The following MDN1 variants were observed in gnomAD, a reference collection of about 807,000 sequenced individuals.
MDN1 encodes the protein midasin AAA ATPase 1, also known as midasin.
Under a neutral mutation model 669.2 loss-of-function variants are expected in MDN1, and 266 were observed. The observed-to-expected ratio is 0.40, with a 90% CI of 0.36 to 0.44. The LOEUF is 0.44. Ranked by LOEUF, MDN1 falls within the 20% of genes least tolerant of loss-of-function variation. MDN1 has a pLI of 1.00. For missense variants in MDN1, 5,940 were observed against 6,754.0 expected (o/e 0.88, Z 4.22); for synonymous variants, 2,385 against 2,457.1 (o/e 0.97, Z 0.87).
At chr6:89,714,470 A>G in intron 46 of MDN1, 73 bp downstream of exon 46, 1 of 1,240,698 alleles carries the variant, frequency 8.1e-7, no homozygotes, top group Non-Finnish European at 1.1e-6. Context: ...ATCTTTGATG[A>G]GCAGTCCAAT....
rs1811464245 is a variant in MDN1, at chr6:89,679,679, TC to T, written c.12265+909del. On this transcript the variant is annotated intron_variant, in intron 74 of 101. Transcript: ENST00000369393. ...CCAAGGAGAGAGGCTTCAGAAGTAATCAACCTTGCTGACACCTTGATCTTGG... is the reference window on the plus strand; with the variant it reads ...CCAAGGAGAGAGGCTTCAGAAGTAATAACCTTGCTGACACCTTGATCTTGG... Among the ~76,000 whole-genome samples the T allele has an allele frequency of 2.6e-5, 4 of 152,128 alleles. No homozygotes were observed. In the South Asian group the frequency reaches 8.3e-4, roughly 31 times the overall value.
chr6:89,785,201 T>C (rs1245695798), intron 8 of MDN1, 75 bp from the exon 9 acceptor site: 2 of 962,036 alleles, frequency 2.1e-6, no homozygotes, highest in East Asian at 2.4e-5. Flanking sequence ...TGGATATTAC[T>C]TGCTGTACAC....
In MDN1 at chr6:89,648,326, C is replaced by T; in HGVS notation, c.16210G>A (p.Ala5404Thr). ...CCAATCACAGCCAAAGATTCAAATG[C>T]AAGCTGTGAATTAGAAAGTTAATGA... ...SMVDNHTKQL[A>T]FESLAVIGNA... Residue 5404 changes from alanine to threonine, a missense_variant, in exon 98 of 102, where the codon GCA becomes ACA. Ala to Thr is a moderately conservative substitution (Grantham distance 58). Around this residue, in one of 5 missense-constraint regions of MDN1, gnomAD observed 2,280 missense variants for 2,576.3 expected, o/e 0.88. Transcript: ENST00000369393. The T allele has an allele frequency of 6.2e-7, 1 of 1,613,834 alleles. No homozygotes were observed. Among genetic ancestry groups the T allele is most frequent in the Non-Finnish European group, 8.5e-7 (1 of 1,179,724 alleles).
intron 99 of MDN1, 121 bp from the exon 100 acceptor site, chr6:89,646,724 A>AC (rs1165410852): frequency 9.1e-6 from 7 of 767,260 alleles, no homozygotes; most frequent in Non-Finnish European, 1.3e-5. Context: ...AGGTTTACAG[A>AC]CCATCAACTA....
intron 47 of MDN1, 91 bp from the exon 48 acceptor site, chr6:89,712,877 C>T (rs975826262): frequency 2.6e-6 from 3 of 1,170,192 alleles, no homozygotes; most frequent in African/African-American, 1.5e-5. Context: ...CATGCGACCA[C>T]CTCACAACAA....
At chr6:89,650,934 T>A in intron 95 of MDN1, 87 bp from the exon 96 acceptor site, 1 of 1,000,346 alleles carries the variant, frequency 1.0e-6, no homozygotes, top group Non-Finnish European at 1.5e-6. Context: ...AGCAAAGTGG[T>A]AGAAAATGAC....
intron 100 of MDN1, 78 bp from the exon 101 acceptor site, chr6:89,645,235 C>CATTT: frequency 6.9e-7 from 1 of 1,459,102 alleles, no homozygotes; most frequent in East Asian, 2.3e-5. Flanking sequence ...CAAAGTAGGA[C>CATTT]AAATTAGTGT....
intron 9 of MDN1, among the ~76,000 whole-genome samples, chr6:89,782,604 AAATAAT>A (rs58697438): frequency 0.52 from 75,426 of 143,878 alleles, 20,014 homozygotes; most frequent in Middle Eastern, 0.64. Context: ...TTTCCTCAAA[AAATAAT>A]AATAATAATA....
Position 89,725,406 on chromosome 6 carries a change from G to A in MDN1, c.5473-10C>T. The A allele has an allele frequency of 5.0e-6, 8 of 1,606,136 alleles. No individual in the cohort carries two copies. Among genetic ancestry groups the A allele is most frequent in the Non-Finnish European group, 6.8e-6 (8 of 1,173,040 alleles). Reference sequence around the variant, plus strand: ...GAGAAGCCAGGTTAAGCTATTTAAAGAAGAAAGTACATAATTTGTCTCAAA... The same window carrying A: ...GAGAAGCCAGGTTAAGCTATTTAAAAAAGAAAGTACATAATTTGTCTCAAA... On this transcript the variant is annotated splice_polypyrimidine_tract_variant and intron_variant, in intron 37 of 101. Coordinates refer to ENST00000369393, the MANE Select transcript of MDN1 (RefSeq NM_014611.3).
Position 89,674,258 on chromosome 6 carries a change from T to G in MDN1, c.13093A>C (p.Ser4365Arg). 1 of 1,614,248 alleles carries G rather than the reference T, an allele frequency of 6.2e-7. No individual in the cohort carries two copies. The highest frequency in any genetic ancestry group is 8.5e-7 in the Non-Finnish European group (1 of 1,180,046). The part of the protein sequence containing the change: ...NLSYPSPIPG[S>R]QLPSGCRMRK... ...ATCCGGCAACCAGAGGGCAGCTGACTTCCAGGTATTGGAGATGGGTAGCTC... is the reference window on the plus strand; with the variant it reads ...ATCCGGCAACCAGAGGGCAGCTGACGTCCAGGTATTGGAGATGGGTAGCTC... Residue 4365 changes from serine to arginine, a missense_variant, in exon 79 of 102, where the codon AGT becomes CGT. By Grantham distance (110) the Ser-to-Arg change is moderately radical (BLOSUM62 -1). Coordinates refer to ENST00000369393, the MANE Select transcript of MDN1 (RefSeq NM_014611.3).
rs1257530264 is a variant in MDN1 at position 89,690,047 on chromosome 6, AGAG to A, written c.10843_10845del (p.Leu3615del). 6 of 1,614,070 alleles carry A rather than the reference AGAG, an allele frequency of 3.7e-6. No individual in the cohort carries two copies. Among genetic ancestry groups the A allele is most frequent in the Non-Finnish European group, 5.1e-6 (6 of 1,180,036 alleles). ...ATTACTGCCTGCATTGAATTCTGGG[AGAG>A]GAGAGCTGGGTTTGTGCCTGCTTCC... is the stretch of plus-strand genomic sequence containing the variant. On this transcript the variant is annotated inframe_deletion, in exon 65 of 102. Coordinates refer to ENST00000369393, the MANE Select transcript of MDN1 (RefSeq NM_014611.3).
rs1466505973 is a variant in MDN1, at chr6:89,642,845, A to AAAT, written c.*1157_*1159dup. On this transcript the variant is annotated 3_prime_UTR_variant, in exon 102 of 102. Coordinates refer to ENST00000369393, the MANE Select transcript of MDN1 (RefSeq NM_014611.3). ...AAGCTGCATAGCTTTTTAGAATAAA[A>AAAT]AATGATATAACTTCAGGTACATGCT... is the stretch of plus-strand genomic sequence containing the variant. 7 of 152,402 alleles carry AAAT rather than the reference A, an allele frequency of 4.6e-5. No individual in the cohort carries two copies. In the East Asian group the frequency reaches 9.6e-4, roughly 21 times the overall value. The allele number at this position is 152,402 out of a possible 1,614,324, so 9.4% of individuals were successfully genotyped here. A position where few individuals can be genotyped will look rare whatever the true frequency, so the allele number is the denominator to read the frequency against.
intron 1 of MDN1, among the ~76,000 whole-genome samples, chr6:89,808,543 G>A (rs995778395): frequency 6.6e-6 from 1 of 152,076 alleles, no homozygotes; most frequent in Non-Finnish European, 1.5e-5. Context: ...CATAGCTCAC[G>A]AAATTTCCCT....
At chr6:89,718,649 A>C (rs1420896937) in intron 42 of MDN1, 22 bp from the exon 43 acceptor site, 5 of 1,611,758 alleles carry the variant, frequency 3.1e-6, no homozygotes, top group Non-Finnish European at 4.2e-6. Flanking sequence ...AGAGGACATG[A>C]ACTCATCATA....
At chr6:89,800,528 G>T (rs1402952759) in intron 2 of MDN1, among the ~76,000 whole-genome samples, 2 of 152,164 alleles carry the variant, frequency 1.3e-5, no homozygotes, top group African/African-American at 2.4e-5. Flanking sequence ...CTGGTGGGGA[G>T]CATAGATGCT....
intron 1 of MDN1, among the ~76,000 whole-genome samples, chr6:89,818,954 T>C (rs1769058364): frequency 6.6e-6 from 1 of 152,226 alleles, no homozygotes; most frequent in Admixed American, 6.5e-5. Flanking sequence ...TCTTGCTCTG[T>C]ACTTCAGCTG....
intron 1 of MDN1, chr6:89,815,110 T>C (rs1768728497): frequency 2.4e-6 from 1 of 418,968 alleles, no homozygotes; most frequent in Non-Finnish European, 4.7e-6. Context: ...TTCAGCTGTA[T>C]GGAGCTGCCC....
At chr6:89,707,605 A>C (rs1332102329) in intron 51 of MDN1, 129 bp from the exon 52 acceptor site, 2 of 661,090 alleles carry the variant, frequency 3.0e-6, no homozygotes, top group East Asian at 5.4e-5. Context: ...TGCCTCTGCA[A>C]ATCTTGGACT....
intron 89 of MDN1, 50 bp from the exon 90 acceptor site, chr6:89,658,420 T>A (rs1373580372): frequency 1.9e-6 from 3 of 1,610,100 alleles, no homozygotes; most frequent in African/African-American, 1.3e-5. Context: ...GGGAACAGCA[T>A]AAGGTGGGAG....
Sources: gnomAD v4.1 joint callset for allele counts (sites outside exome capture counted in the v4.1 genomes callset) on GRCh38, gnomAD v4.1.1 for gene constraint, gnomAD v4.1.1 regional missense constraint, MANE v1.5 for transcripts, NCBI Gene and HGNC (gene_info 2026-07-23, HGNC 2026-07-21) for gene names.